USP34: variants seen among roughly 807,000 people sequenced by gnomAD.
The protein encoded by USP34 is ubiquitin carboxyl-terminal hydrolase 34.
USP34 carries 70 observed loss-of-function variants against 460.3 expected under a neutral mutation model. The observed-to-expected ratio is 0.15, with a 90% CI of 0.13 to 0.19. USP34 has a LOEUF of 0.19. USP34 is among the 10% of genes least tolerant of loss of function. The pLI is 1.00. For synonymous variants in USP34, 1,647 were observed against 1,405.3 expected, an observed-to-expected ratio of 1.17 and a Z score of -3.85; for missense variants, 3,985 against 4,236.2, an observed-to-expected ratio of 0.94 and a Z score of 1.65.
intron 44 of USP34, 92 bp from the exon 45 acceptor site, chr2:61,257,442 G>A: frequency 9.6e-7 from 1 of 1,043,976 alleles, no homozygotes; most frequent in Non-Finnish European, 1.3e-6. Context: ...CAAAAGAACA[G>A]GTAGTAAATC....
At chr2:61,382,734 CCTTTTT>C (rs1454176023) in intron 6 of USP34, among the ~76,000 whole-genome samples, 6 of 152,164 alleles carry the variant, frequency 3.9e-5, no homozygotes. Flanking sequence ...TCTTAGGCTT[CCTTTTT>C]AAGTTGAGAC....
At chr2:61,310,485 G>C (rs957375133) in intron 27 of USP34, among the ~76,000 whole-genome samples, 1 of 151,656 alleles carries the variant, frequency 6.6e-6, no homozygotes, top group South Asian at 2.1e-4. Flanking sequence ...CAAGCAAACA[G>C]AACAGTAAAA....
chr2:61,239,889 T>C (rs899279070), intron 53 of USP34, among the ~76,000 whole-genome samples: 3 of 151,736 alleles, frequency 2.0e-5, no homozygotes, highest in Non-Finnish European at 2.9e-5. Context: ...CGGGTGCCTG[T>C]AGTCCCAGCT....
intron 75 of USP34, 112 bp from the exon 76 acceptor site, chr2:61,193,092 C>G (rs1256998585): frequency 1.2e-6 from 1 of 820,722 alleles, no homozygotes; most frequent in African/African-American, 1.7e-5. Context: ...TGCATATTTT[C>G]TATATTTTAA....
intron 69 of USP34, among the ~76,000 whole-genome samples, chr2:61,211,310 C>G (rs1687267457): frequency 6.6e-6 from 1 of 152,148 alleles, no homozygotes; most frequent in Non-Finnish European, 1.5e-5. Flanking sequence ...TTCCTGTAAC[C>G]ATTCAATAAC....
intron 50 of USP34, among the ~76,000 whole-genome samples, chr2:61,246,020 T>C (rs1409170959): frequency 6.6e-6 from 1 of 152,200 alleles, no homozygotes; most frequent in Non-Finnish European, 1.5e-5. Context: ...CTGTAGAAGA[T>C]ATTCAATGAA....
intron 2 of USP34, among the ~76,000 whole-genome samples, chr2:61,412,470 C>T (rs185668616): frequency 3.3e-5 from 5 of 151,838 alleles, no homozygotes; most frequent in Non-Finnish European, 7.4e-5. Flanking sequence ...ATATCATATA[C>T]CTTTTGTATA....
intron 2 of USP34, among the ~76,000 whole-genome samples, chr2:61,407,272 G>C (rs1011701297): frequency 2.0e-5 from 3 of 151,946 alleles, no homozygotes; most frequent in Admixed American, 2.0e-4. Context: ...TGTGCCTGTA[G>C]TCCCAGCTAT....
In USP34 at chr2:61,231,915, C is replaced by G. The variant is rs141742962; in HGVS notation, c.7113+537G>C. On this transcript the variant is annotated intron_variant, in intron 58 of 79. Coordinates refer to ENST00000398571, the MANE Select transcript of USP34 (RefSeq NM_014709.4). Reference sequence around the variant, plus strand: ...AATATATACACACACGCATATATATCTCAATAGTAACTGGAAAGTGGCATA... The same window carrying G: ...AATATATACACACACGCATATATATGTCAATAGTAACTGGAAAGTGGCATA... Among the ~76,000 whole-genome samples, 255 of 150,180 alleles carry G rather than the reference C, an allele frequency of 1.7e-3. 1 individual carries two copies. In the East Asian group the frequency reaches 0.022, roughly 13 times the overall value.
intron 50 of USP34, among the ~76,000 whole-genome samples, chr2:61,245,802 G>A (rs1209465368): frequency 2.0e-5 from 3 of 152,082 alleles, no homozygotes; most frequent in African/African-American, 4.8e-5. Flanking sequence ...CCAGCACTTA[G>A]AACAGTGCCT....
intron 44 of USP34, 47 bp downstream of exon 44, chr2:61,259,664 G>C: frequency 6.3e-7 from 1 of 1,576,144 alleles, no homozygotes; most frequent in Non-Finnish European, 8.7e-7. Flanking sequence ...ATAATTACAG[G>C]CATGAGCCAC....
intron 5 of USP34, among the ~76,000 whole-genome samples, chr2:61,389,137 G>A (rs1693263544): frequency 6.6e-6 from 1 of 152,154 alleles, no homozygotes; most frequent in South Asian, 2.1e-4. Context: ...AAAAAAGCAG[G>A]AGAATGATCA....
rs1390313051 is a variant in USP34 at position 61,293,477 on chromosome 2, T to C, written c.4535A>G (p.Glu1512Gly). 6.2e-7 allele frequency: 1 copy of C among 1,612,742 alleles called. No individual in the cohort carries two copies. The highest frequency in any genetic ancestry group is 8.5e-7 in the Non-Finnish European group (1 of 1,179,248). The change falls in exon 33 of 80, where the codon GAA becomes GGA. Residue 1512 changes from glutamate to glycine, a missense_variant. Glu to Gly is a moderately conservative substitution (Grantham distance 98, BLOSUM62 -2). Around this residue, in one of 14 missense-constraint regions of USP34, gnomAD observed 1,114 missense variants for 1,122.5 expected, o/e 0.99. Transcript: ENST00000398571. Reference protein sequence around the residue: ...NSGILEPKEQESWTVWQLDCL... With the variant: ...NSGILEPKEQGSWTVWQLDCL... ...ATATGCACTTACCACAGTCCATGAT[T>C]CCTGCTCTTTAGGCTCTAGAATTCC... is the stretch of plus-strand genomic sequence containing the variant.
intron 37 of USP34, among the ~76,000 whole-genome samples, chr2:61,281,593 C>T (rs1689536862): frequency 6.6e-6 from 1 of 152,122 alleles, no homozygotes; most frequent in African/African-American, 2.4e-5. Flanking sequence ...GGTGGCAGAA[C>T]AAGATTATGC....
intron 5 of USP34, among the ~76,000 whole-genome samples, chr2:61,384,223 A>AT (rs1553380346): frequency 2.6e-5 from 4 of 152,184 alleles, no homozygotes; most frequent in Admixed American, 6.5e-5. Context: ...ATATTTCCTC[A>AT]TTTTTTCTAC....
chr2:61,212,942 G>A (rs1017830752), intron 68 of USP34, among the ~76,000 whole-genome samples: 1 of 152,168 alleles, frequency 6.6e-6, no homozygotes, highest in South Asian at 2.1e-4. Flanking sequence ...TTTGAAGTCA[G>A]AAAGATTGAT....
rs3213952 is a variant in USP34 at position 61,333,729 on chromosome 2, G to C, written c.2834+153C>G. ...ACTGATCAGGATATAATCTCTACAGGGGTAAGTGGCAGAAAAATCTAAGAA... is the reference window on the plus strand; with the variant it reads ...ACTGATCAGGATATAATCTCTACAGCGGTAAGTGGCAGAAAAATCTAAGAA... On this transcript the variant is annotated intron_variant, in intron 19 of 79. Coordinates refer to ENST00000398571, the MANE Select transcript of USP34 (RefSeq NM_014709.4). Among the ~76,000 whole-genome samples, 29 of 152,056 alleles carry C rather than the reference G, an allele frequency of 1.9e-4. No individual in the cohort carries two copies. In the East Asian group the frequency reaches 5.6e-3, roughly 29 times the overall value.
In USP34 at chr2:61,327,524, G is replaced by A. The variant is rs1357742535; in HGVS notation, c.2931-2067C>T. On this transcript the variant is annotated intron_variant, in intron 20 of 79. Transcript: ENST00000398571. Reference sequence around the variant, plus strand: ...TGACCCATCAGTTCTGCGGTTTTACGTTACTGTATCCTCTTGCCTTGTCTA... The same window carrying A: ...TGACCCATCAGTTCTGCGGTTTTACATTACTGTATCCTCTTGCCTTGTCTA... 4.6e-5 allele frequency among the ~76,000 whole-genome samples: 7 copies of A among 152,212 alleles called. No individual in the cohort carries two copies. The South Asian group carries it at 8.3e-4, about 18-fold the overall frequency.
At chr2:61,310,436 A>G (rs894049491) in intron 27 of USP34, among the ~76,000 whole-genome samples, 1 of 152,052 alleles carries the variant, frequency 6.6e-6, no homozygotes, top group Non-Finnish European at 1.5e-5. Flanking sequence ...TTCTACATGA[A>G]CTAACATGAA....
Sources: allele counts gnomAD v4.1 joint callset (sites outside exome capture counted in the v4.1 genomes callset), GRCh38; gene constraint gnomAD v4.1.1; regional missense constraint gnomAD v4.1.1; transcripts MANE v1.5; gene names NCBI Gene and HGNC (gene_info 2026-07-23, HGNC 2026-07-21).